The following CDC73 variants were observed in gnomAD, a reference collection of about 807,000 sequenced individuals.
CDC73 encodes the protein parafibromin.
CDC73 carries 21 observed loss-of-function variants against 83.7 expected under a neutral mutation model. The observed-to-expected ratio is 0.25, with a 90% CI of 0.18 to 0.36. The LOEUF (loss-of-function observed/expected upper bound fraction) is 0.36. Ranked by LOEUF, CDC73 falls within the 10% of genes least tolerant of loss-of-function variation. The pLI, the probability that CDC73 is intolerant of heterozygous loss-of-function variation, is 1.00. For missense variants in CDC73, 342 were observed against 653.3 expected (o/e 0.52, Z 5.19); for synonymous variants, 224 against 212.9 (o/e 1.05, Z -0.45).
At chr1:193,163,819 C>T (rs1376282392) in intron 10 of CDC73, among the ~76,000 whole-genome samples, 4 of 152,074 alleles carry the variant, frequency 2.6e-5, no homozygotes, top group South Asian at 2.1e-4. Context: ...ACTCTTGTCA[C>T]CCAGGCTGGA....
At chr1:193,198,881 G>T (rs189303772) in intron 10 of CDC73, among the ~76,000 whole-genome samples, 98 of 152,292 alleles carry the variant, frequency 6.4e-4, no homozygotes, top group Admixed American at 5.9e-4. Flanking sequence ...TTTTCTCATC[G>T]TACAATAGAT....
At chr1:193,156,439 A>G (rs1031410869) in intron 10 of CDC73, among the ~76,000 whole-genome samples, 8 of 152,208 alleles carry the variant, frequency 5.3e-5, no homozygotes, top group South Asian at 2.1e-4. Context: ...TCCAACAGTC[A>G]TCATAGTTCT....
chr1:193,171,603 T>C (rs1471588540), intron 10 of CDC73, among the ~76,000 whole-genome samples: 1 of 152,210 alleles, frequency 6.6e-6, no homozygotes, highest in Non-Finnish European at 1.5e-5. Flanking sequence ...GTCCCTCTCA[T>C]GCTTTGACTC....
At chr1:193,135,303 A>G in intron 3 of CDC73, 88 bp from the exon 4 acceptor site, 5 of 1,084,834 alleles carry the variant, frequency 4.6e-6, no homozygotes, top group Non-Finnish European at 5.6e-6. Flanking sequence ...ATAGAAGTAT[A>G]TAAAAAACCT....
At chr1:193,188,953 CTGTT>C (rs996784623) in intron 10 of CDC73, among the ~76,000 whole-genome samples, 19 of 149,400 alleles carry the variant, frequency 1.3e-4, no homozygotes, top group African/African-American at 2.7e-4. Flanking sequence ...TTCTGTCTGT[CTGTT>C]TTTTTTTTTT....
At chr1:193,122,593 A>C (rs989667799) in intron 1 of CDC73, 6 of 454,848 alleles carry the variant, frequency 1.3e-5, no homozygotes, top group Non-Finnish European at 2.4e-5. Flanking sequence ...TTTACAGTTA[A>C]TTTTTATCAG....
At chr1:193,175,145 A>G (rs1207377691) in intron 10 of CDC73, among the ~76,000 whole-genome samples, 2 of 152,178 alleles carry the variant, frequency 1.3e-5, no homozygotes, top group Non-Finnish European at 2.9e-5. Context: ...GGATTTTGGT[A>G]TATAGTACCT....
chr1:193,225,569 A>G (rs546688260), intron 13 of CDC73, among the ~76,000 whole-genome samples: 22 of 151,912 alleles, frequency 1.4e-4, no homozygotes, highest in East Asian at 1.4e-3. Context: ...GCCAACATCT[A>G]TTGTTTTTTG....
In CDC73 at chr1:193,251,500, A is replaced by G; in HGVS notation, c.*788A>G. ...GAAGAATATGTATCAGCCCTATTGC[A>G]GTATAACTTTAAGCTCCTTTTCTCT... On this transcript the variant is annotated 3_prime_UTR_variant, in exon 17 of 17. Transcript: ENST00000367435. The G allele has an allele frequency of 4.3e-6, 1 of 232,082 alleles. No homozygotes were observed. The highest frequency in any genetic ancestry group is 8.5e-6 in the Non-Finnish European group (1 of 117,012). 14.4% of individuals were successfully genotyped at this position (232,082 alleles called of 1,614,324 possible).
intron 10 of CDC73, among the ~76,000 whole-genome samples, chr1:193,169,544 CA>C (rs909934132): frequency 1.1e-4 from 16 of 149,506 alleles, no homozygotes; most frequent in African/African-American, 3.9e-4. Flanking sequence ...GACTCTGTCT[CA>C]AAAAAAAATA....
At chr1:193,236,698 C>T in intron 15 of CDC73, 1 of 305,816 alleles carries the variant, frequency 3.3e-6, no homozygotes, top group Non-Finnish European at 6.4e-6. Flanking sequence ...AGGTCGAGAC[C>T]AGCCTAACCA....
chr1:193,182,411 G>C (rs1484809744), intron 10 of CDC73, among the ~76,000 whole-genome samples: 1 of 152,074 alleles, frequency 6.6e-6, no homozygotes, highest in Admixed American at 6.6e-5. Flanking sequence ...AATACAGCAT[G>C]TAAGTGTCTT....
At chr1:193,181,648 T>A in intron 10 of CDC73, 1 of 1,221,276 alleles carries the variant, frequency 8.2e-7, no homozygotes, top group South Asian at 1.5e-5. Context: ...GCAATCATTT[T>A]CTAATTCAGT....
At chr1:193,200,454 T>C (rs1398324075) in intron 10 of CDC73, among the ~76,000 whole-genome samples, 28 of 152,232 alleles carry the variant, frequency 1.8e-4, no homozygotes. Context: ...AACAGCATAC[T>C]TTGTTTTGTA....
chr1:193,250,330 G>T (rs774836318), intron 16 of CDC73, among the ~76,000 whole-genome samples: 2 of 151,808 alleles, frequency 1.3e-5, no homozygotes, highest in Non-Finnish European at 2.9e-5. Context: ...ATTAATAACA[G>T]TTTTGTAATC....
intron 15 of CDC73, among the ~76,000 whole-genome samples, chr1:193,241,184 C>T (rs944154423): frequency 1.3e-5 from 2 of 152,074 alleles, no homozygotes; most frequent in Non-Finnish European, 2.9e-5. Flanking sequence ...GGACTTTTCC[C>T]CGAAGATGTA....
chr1:193,183,157 A>G (rs1676747883), intron 10 of CDC73, among the ~76,000 whole-genome samples: 1 of 151,802 alleles, frequency 6.6e-6, no homozygotes, highest in African/African-American at 2.4e-5. Flanking sequence ...AACGTTAAGT[A>G]CTTTGAAAAT....
At chr1:193,229,776 CAT>C (rs1050648386) in intron 13 of CDC73, among the ~76,000 whole-genome samples, 32 of 152,236 alleles carry the variant, frequency 2.1e-4, no homozygotes, top group Admixed American at 4.6e-4. Context: ...TTATCAGAAA[CAT>C]TACATTGAAT....
At chr1:193,228,688 A>G (rs138864431) in intron 13 of CDC73, among the ~76,000 whole-genome samples, 1,856 of 152,324 alleles carry the variant, frequency 0.012, 17 homozygotes, top group South Asian at 0.034. Flanking sequence ...TAGATTGTAC[A>G]CACAAACTTA....
Sources: allele counts gnomAD v4.1 joint callset (sites outside exome capture counted in the v4.1 genomes callset), GRCh38; gene constraint gnomAD v4.1.1; transcripts MANE v1.5; gene names NCBI Gene and HGNC (gene_info 2026-07-23, HGNC 2026-07-21).